Variants in TATDN1 observed in about 807,000 individuals in gnomAD.
TATDN1 encodes the protein TatD DNase domain containing 1.
TATDN1 carries 40 observed loss-of-function variants against 46.4 expected under a neutral mutation model. The observed-to-expected ratio is 0.86, with a 90% CI of 0.67 to 1.12. The LOEUF is 1.12. TATDN1 is among the 50% of genes most tolerant of loss of function. The pLI, the probability that TATDN1 is intolerant of heterozygous loss-of-function variation, is 0.00. For synonymous variants in TATDN1, 95 were observed against 105.6 expected, an observed-to-expected ratio of 0.90 and a Z score of 0.62; for missense variants, 326 against 348.4, an observed-to-expected ratio of 0.94 and a Z score of 0.51.
intron 11 of TATDN1, 119 bp from the exon 12 acceptor site, chr8:124,488,815 AAC>A: frequency 1.5e-6 from 1 of 664,348 alleles, no homozygotes; most frequent in Non-Finnish European, 2.6e-6. Context: ...AATAAAGCTT[AAC>A]AGTTATTAAG....
intron 8 of TATDN1, among the ~76,000 whole-genome samples, chr8:124,508,164 G>A (rs1420685868): frequency 1.3e-5 from 2 of 152,172 alleles, no homozygotes; most frequent in Non-Finnish European, 2.9e-5. Flanking sequence ...TCATATTTCA[G>A]ATTTTTTCAG....
At chr8:124,533,048 C>A (rs184580766) in intron 1 of TATDN1, among the ~76,000 whole-genome samples, 1 of 152,172 alleles carries the variant, frequency 6.6e-6, no homozygotes, top group East Asian at 1.9e-4. Flanking sequence ...GTCAGGAGAT[C>A]GAGACCGTCC....
chr8:124,493,778 G>A (rs1337661917), intron 11 of TATDN1, 55 bp downstream of exon 11: 3 of 1,534,074 alleles, frequency 2.0e-6, no homozygotes, highest in Non-Finnish European at 2.6e-6. Context: ...AATTTTATAA[G>A]TGGCATCTGG....
chr8:124,511,548 G>T (rs1300147848), intron 6 of TATDN1, among the ~76,000 whole-genome samples: 1 of 152,182 alleles, frequency 6.6e-6, no homozygotes, highest in East Asian at 1.9e-4. Context: ...AAGGAAAGGA[G>T]TGTAGCATAA....
chr8:124,495,621 G>A, intron 9 of TATDN1, 79 bp from the exon 10 acceptor site: 7 of 1,152,730 alleles, frequency 6.1e-6, no homozygotes, highest in Non-Finnish European at 7.4e-6. Flanking sequence ...TGTCTAAAAT[G>A]CTACAAAACC....
chr8:124,513,155 G>A (rs367940193), intron 6 of TATDN1, among the ~76,000 whole-genome samples: 1 of 151,948 alleles, frequency 6.6e-6, no homozygotes, highest in South Asian at 2.1e-4. Flanking sequence ...TCAGGTGATC[G>A]GCCTGCCTTG....
At chr8:124,521,297 C>T (rs1290178067) in intron 3 of TATDN1, among the ~76,000 whole-genome samples, 2 of 152,100 alleles carry the variant, frequency 1.3e-5, no homozygotes, top group Non-Finnish European at 2.9e-5. Flanking sequence ...GTAAAAATCA[C>T]TTCAGTTCTG....
In TATDN1 at chr8:124,511,074, T is replaced by C. The variant is rs539415667; in HGVS notation, c.390-2386A>G. The stretch of plus-strand genomic sequence containing the variant: ...AACTGTATAAGTTACAGGGTAGGAA[T>C]TGGCATCTATTAAGAGACTTCTCTG... On this transcript the variant is annotated intron_variant, in intron 6 of 11. Transcript: ENST00000276692. Among the ~76,000 whole-genome samples the C allele has an allele frequency of 1.1e-4, 16 of 152,320 alleles. No individual in the cohort carries two copies. In the South Asian group the frequency reaches 2.9e-3, roughly 28 times the overall value.
At chr8:124,509,333 T>C (rs1473714340) in intron 6 of TATDN1, among the ~76,000 whole-genome samples, 2 of 152,214 alleles carry the variant, frequency 1.3e-5, no homozygotes, top group Admixed American at 6.5e-5. Context: ...ATACCTGGCA[T>C]GGCCAACTTG....
At chr8:124,520,668 C>T (rs933045870) in intron 3 of TATDN1, among the ~76,000 whole-genome samples, 11 of 151,886 alleles carry the variant, frequency 7.2e-5, no homozygotes, top group African/African-American at 2.7e-4. Flanking sequence ...ATGGGCCTGG[C>T]GCGGTGGCTC....
At chr8:124,527,305 A>G (rs1820585428) in intron 1 of TATDN1, among the ~76,000 whole-genome samples, 1 of 152,214 alleles carries the variant, frequency 6.6e-6, no homozygotes, top group African/African-American at 2.4e-5. Flanking sequence ...ATTAAGCTTT[A>G]TATGTCAAAA....
chr8:124,504,422 T>G (rs1208454549), intron 8 of TATDN1, 75 bp from the exon 9 acceptor site: 1 of 1,043,048 alleles, frequency 9.6e-7, no homozygotes, highest in African/African-American at 1.7e-5. Context: ...AATAAGACTT[T>G]GTAGGCAAAA....
intron 4 of TATDN1, among the ~76,000 whole-genome samples, chr8:124,516,380 G>A (rs1819473415): frequency 6.6e-6 from 1 of 151,268 alleles, no homozygotes; most frequent in African/African-American, 2.4e-5. Flanking sequence ...ACAGCTTACT[G>A]CAGCCTTGAC....
chr8:124,492,424 G>A (rs1486088635), intron 11 of TATDN1, among the ~76,000 whole-genome samples: 2 of 152,190 alleles, frequency 1.3e-5, no homozygotes, highest in Admixed American at 6.5e-5. Flanking sequence ...ACTACTTCCT[G>A]TAAGCTGGCT....
intron 1 of TATDN1, among the ~76,000 whole-genome samples, chr8:124,534,187 G>A (rs1054168181): frequency 3.2e-5 from 4 of 123,502 alleles, no homozygotes; most frequent in African/African-American, 9.7e-5. Flanking sequence ...AAAGAAATGC[G>A]CTAGAGCAAG....
intron 1 of TATDN1, among the ~76,000 whole-genome samples, chr8:124,528,784 C>T (rs1586672220): frequency 6.6e-6 from 1 of 152,210 alleles, no homozygotes. Flanking sequence ...ATCTAATGTG[C>T]TGTGGAGACT....
chr8:124,497,037 T>C (rs1817526283), intron 9 of TATDN1, among the ~76,000 whole-genome samples: 1 of 152,234 alleles, frequency 6.6e-6, no homozygotes, highest in South Asian at 2.1e-4. Context: ...AATTTCCAGT[T>C]GTCTCAGTGG....
chr8:124,516,500 G>A (rs957828456), intron 4 of TATDN1, among the ~76,000 whole-genome samples: 1 of 151,454 alleles, frequency 6.6e-6, no homozygotes, highest in Non-Finnish European at 1.5e-5. Context: ...GGTAGAGACA[G>A]GGTTTCGCTA....
At chr8:124,515,621 G>T in intron 6 of TATDN1, 125 bp downstream of exon 6, 1 of 837,190 alleles carries the variant, frequency 1.2e-6, no homozygotes, top group Non-Finnish European at 1.9e-6. Context: ...ACTTACTTTT[G>T]ATATACAAAG....
Sources: allele counts gnomAD v4.1 joint callset (sites outside exome capture counted in the v4.1 genomes callset), GRCh38; gene constraint gnomAD v4.1.1; transcripts MANE v1.5; gene names NCBI Gene and HGNC (gene_info 2026-07-23, HGNC 2026-07-21).